TSNAX: variants seen among roughly 807,000 people sequenced by gnomAD.
TSNAX encodes the protein translin-associated protein X.
A neutral mutation model predicts 33.0 loss-of-function variants in TSNAX; 12 were observed. The ratio of observed to expected loss-of-function variants is 0.36; its 90% CI spans 0.23 to 0.59. The LOEUF is 0.59. Among genes scored for constraint, TSNAX ranks in the 20% least tolerant of loss-of-function variants. TSNAX has a pLI of 0.74. For synonymous variants in TSNAX, 110 were observed against 117.2 expected (o/e 0.94, Z 0.40); for missense variants, 267 against 341.3 (o/e 0.78, Z 1.72).
Position 231,528,745 on chromosome 1 carries a change from A to T in TSNAX, c.-66A>T. The T allele has an allele frequency of 3.1e-6, 5 of 1,605,326 alleles. No homozygotes were observed. The highest frequency in any genetic ancestry group is 4.3e-6 in the Non-Finnish European group (5 of 1,172,894). On this transcript the variant is annotated 5_prime_UTR_variant, in exon 1 of 6. Transcript: ENST00000366639. ...GTTTTCCCAGGTTCCCTCGGCCTGT[A>T]CCTCGCGCACTCCTCTTGCTCCAGG...
At chr1:231,530,769 T>TC (rs1159316552) in intron 2 of TSNAX, among the ~76,000 whole-genome samples, 1 of 149,046 alleles carries the variant, frequency 6.7e-6, no homozygotes, top group Non-Finnish European at 1.5e-5. Flanking sequence ...GTGCCTGTAA[T>TC]CCCAGCTACT....
At chr1:231,546,920 G>A (rs976818442) in intron 4 of TSNAX, among the ~76,000 whole-genome samples, 1 of 152,166 alleles carries the variant, frequency 6.6e-6, no homozygotes, top group African/African-American at 2.4e-5. Context: ...ACCAGCCCTG[G>A]AAGTGGCATG....
chr1:231,538,673 CAT>C (rs1354517642), intron 3 of TSNAX, among the ~76,000 whole-genome samples: 2 of 152,148 alleles, frequency 1.3e-5, no homozygotes, highest in Non-Finnish European at 2.9e-5. Context: ...GGGAAGATCA[CAT>C]ATAATTTATT....
At chr1:231,550,041 G>C (rs914951170) in intron 4 of TSNAX, among the ~76,000 whole-genome samples, 1 of 152,122 alleles carries the variant, frequency 6.6e-6, no homozygotes, top group African/African-American at 2.4e-5. Flanking sequence ...ACACATCTCT[G>C]TTGTCCCTGT....
chr1:231,547,997 C>G (rs538510821), intron 4 of TSNAX, among the ~76,000 whole-genome samples: 1 of 151,994 alleles, frequency 6.6e-6, no homozygotes, highest in African/African-American at 2.4e-5. Flanking sequence ...TCCGCTACCA[C>G]GCCCGGCTAA....
chr1:231,535,674 T>A (rs904133307), intron 2 of TSNAX: 1 of 152,146 alleles, frequency 6.6e-6, no homozygotes, highest in Non-Finnish European at 1.5e-5. Flanking sequence ...ACAAAAGTAT[T>A]CCATTCAGCA....
intron 4 of TSNAX, among the ~76,000 whole-genome samples, chr1:231,543,458 CT>C (rs769683944): frequency 6.6e-6 from 1 of 152,006 alleles, no homozygotes; most frequent in Non-Finnish European, 1.5e-5. Context: ...ATGAGCATTT[CT>C]TTTAAGCATG....
chr1:231,563,251 G>A (rs1024310849), intron 5 of TSNAX, among the ~76,000 whole-genome samples: 1 of 152,096 alleles, frequency 6.6e-6, no homozygotes, highest in Non-Finnish European at 1.5e-5. Flanking sequence ...TATACATACC[G>A]TCTTTTAATA....
At chr1:231,539,282 T>C (rs998798455) in intron 3 of TSNAX, among the ~76,000 whole-genome samples, 1 of 152,156 alleles carries the variant, frequency 6.6e-6, no homozygotes, top group Non-Finnish European at 1.5e-5. Flanking sequence ...AAAGCAATAA[T>C]ATAAAGAAAA....
chr1:231,552,728 C>T (rs1049992472), intron 4 of TSNAX, among the ~76,000 whole-genome samples: 5 of 152,204 alleles, frequency 3.3e-5, no homozygotes, highest in African/African-American at 9.7e-5. Context: ...TACCTATTAG[C>T]GGTCATTCCC....
intron 4 of TSNAX, among the ~76,000 whole-genome samples, chr1:231,553,886 A>G (rs1765816): frequency 0.18 from 27,084 of 151,910 alleles, 2,994 homozygotes; most frequent in East Asian, 0.49. Flanking sequence ...AGGTTTCTCC[A>G]TGTTGGTCAG....
chr1:231,556,306 C>G (rs1660689416), intron 4 of TSNAX, among the ~76,000 whole-genome samples: 1 of 152,104 alleles, frequency 6.6e-6, no homozygotes, highest in Admixed American at 6.5e-5. Context: ...ATGCCATGAT[C>G]TTGATGGTAC....
intron 3 of TSNAX, among the ~76,000 whole-genome samples, chr1:231,538,669 A>G (rs1337302344): frequency 6.6e-6 from 1 of 152,222 alleles, no homozygotes; most frequent in Non-Finnish European, 1.5e-5. Context: ...TGTAGGGAAG[A>G]TCACATATAA....
chr1:231,539,777 G>A (rs1331254267), intron 3 of TSNAX, among the ~76,000 whole-genome samples: 1 of 152,122 alleles, frequency 6.6e-6, no homozygotes, highest in Non-Finnish European at 1.5e-5. Flanking sequence ...TGATCATACT[G>A]TTCATACAGT....
At chr1:231,548,963 G>A (rs924994847) in intron 4 of TSNAX, among the ~76,000 whole-genome samples, 19 of 152,232 alleles carry the variant, frequency 1.2e-4, no homozygotes, top group Admixed American at 6.5e-4. Flanking sequence ...ACCTGAGGAT[G>A]GGATCCAGAG....
intron 3 of TSNAX, among the ~76,000 whole-genome samples, chr1:231,542,200 G>A (rs1341748291): frequency 2.0e-5 from 3 of 152,054 alleles, no homozygotes; most frequent in Non-Finnish European, 4.4e-5. Context: ...TCCAGTCCAC[G>A]TTACTCTGCC....
intron 2 of TSNAX, chr1:231,535,922 T>G (rs985356962): frequency 6.6e-6 from 1 of 152,228 alleles, no homozygotes; most frequent in African/African-American, 2.4e-5. Context: ...TGAAGATTAA[T>G]TCTATGTGGA....
intron 4 of TSNAX, among the ~76,000 whole-genome samples, chr1:231,543,051 G>A (rs1403126318): frequency 2.6e-5 from 4 of 151,830 alleles, no homozygotes; most frequent in African/African-American, 7.3e-5. Context: ...GTTGGCGGGC[G>A]CCTGTAATCC....
intron 2 of TSNAX, among the ~76,000 whole-genome samples, chr1:231,531,426 A>C (rs201641466): frequency 1.3e-5 from 2 of 152,172 alleles, no homozygotes; most frequent in African/African-American, 4.8e-5. Flanking sequence ...TGCTTTCATA[A>C]GTTTTTTACA....
Sources: allele counts gnomAD v4.1 joint callset (sites outside exome capture counted in the v4.1 genomes callset), GRCh38; gene constraint gnomAD v4.1.1; transcripts MANE v1.5; gene names NCBI Gene and HGNC (gene_info 2026-07-23, HGNC 2026-07-21).